NPSR1: variants seen among roughly 807,000 people sequenced by gnomAD.
NPSR1 encodes neuropeptide S receptor 1, also known as neuropeptide S receptor.
NPSR1 carries 48 observed loss-of-function variants against 46.9 expected under a neutral mutation model. The ratio of observed to expected loss-of-function variants is 1.02; its 90% CI spans 0.81 to 1.30. The LOEUF (loss-of-function observed/expected upper bound fraction) is 1.30, where lower values mean the gene tolerates loss of function less well. Among genes scored for constraint, NPSR1 ranks in the 50% most tolerant of loss-of-function variants. The pLI is 0.00. For synonymous variants in NPSR1, 176 were observed against 168.1 expected (o/e 1.05, Z -0.36); for missense variants, 450 against 449.5 (o/e 1.00, Z -0.01).
intron 8 of NPSR1, among the ~76,000 whole-genome samples, chr7:34,876,237 T>C (rs532373767): frequency 6.6e-6 from 1 of 152,174 alleles, no homozygotes. Context: ...TCCCACATCA[T>C]GGAGCAAGAT....
intron 7 of NPSR1, among the ~76,000 whole-genome samples, chr7:34,847,079 C>T (rs550137333): frequency 4.6e-5 from 7 of 152,160 alleles, no homozygotes; most frequent in Admixed American, 4.6e-4. Flanking sequence ...ATCCAGAACA[C>T]TTAGTGGGTT....
chr7:34,750,444 C>A (rs1785460802), intron 2 of NPSR1: 1 of 742,024 alleles, frequency 1.3e-6, no homozygotes, highest in Non-Finnish European at 2.5e-6. Context: ...TCTGGTGTGA[C>A]GAAGTCATTG....
chr7:34,748,319 C>T (rs1242002276), intron 2 of NPSR1, among the ~76,000 whole-genome samples: 8 of 152,180 alleles, frequency 5.3e-5, no homozygotes, highest in Non-Finnish European at 8.8e-5. Context: ...CAGCGTCTGG[C>T]GGCAAGGGAG....
chr7:34,854,278 AAC>A (rs1791004757), downstream of NPSR1, among the ~76,000 whole-genome samples: 1 of 152,256 alleles, frequency 6.6e-6, no homozygotes, highest in Admixed American at 6.5e-5. Flanking sequence ...ATAAACAGAA[AAC>A]ACATAGGAAG....
At chr7:34,711,042 G>T in intron 2 of NPSR1, 2 of 350,506 alleles carry the variant, frequency 5.7e-6, no homozygotes, top group East Asian at 1.4e-4. Context: ...ATCAGGATCA[G>T]AGATATCAAT....
chr7:34,818,246 A>C (rs1326200258), intron 4 of NPSR1, among the ~76,000 whole-genome samples: 1 of 152,182 alleles, frequency 6.6e-6, no homozygotes, highest in East Asian at 1.9e-4. Flanking sequence ...CAATGCGCAA[A>C]AATCACAAGC....
rs1325194542 is a variant in NPSR1, at chr7:34,660,159, T to G, written c.147+1600T>G. On this transcript the variant is annotated intron_variant, in intron 1 of 8. Coordinates refer to ENST00000360581, the MANE Select transcript of NPSR1 (RefSeq NM_207172.2). ...CCAGACACTAAAGAGAATCACAGCA[T>G]CTCTAGCTGATTCCTATTGATATGT... 6.6e-6 allele frequency: 3 copies of G among 456,722 alleles called. No individual in the cohort carries two copies. In the East Asian group the frequency reaches 2.1e-4, roughly 32 times the overall value. 28.3% of individuals were successfully genotyped at this position (456,722 alleles called of 1,614,324 possible). A position where few individuals can be genotyped will look rare whatever the true frequency, so the allele number is the denominator to read the frequency against.
intron 2 of NPSR1, among the ~76,000 whole-genome samples, chr7:34,706,399 T>C (rs929397906): frequency 1.3e-5 from 2 of 152,162 alleles, no homozygotes; most frequent in African/African-American, 2.4e-5. Flanking sequence ...TTGGCCTTTC[T>C]GTCATCATTT....
At chr7:34,740,586 C>T (rs1784893445) in intron 2 of NPSR1, among the ~76,000 whole-genome samples, 1 of 152,186 alleles carries the variant, frequency 6.6e-6, no homozygotes, top group South Asian at 2.1e-4. Flanking sequence ...CCTGCTGCTT[C>T]CTCTACCCCT....
At chr7:34,867,654 T>C (rs1220331975) in intron 8 of NPSR1, among the ~76,000 whole-genome samples, 1 of 151,908 alleles carries the variant, frequency 6.6e-6, no homozygotes, top group Non-Finnish European at 1.5e-5. Flanking sequence ...ACAGGGATGA[T>C]TGATTTTTGC....
intron 2 of NPSR1, among the ~76,000 whole-genome samples, chr7:34,720,611 G>A (rs1305967345): frequency 6.6e-6 from 1 of 152,042 alleles, no homozygotes; most frequent in African/African-American, 2.4e-5. Context: ...TGTGTGATGG[G>A]GGATGGGGAG....
chr7:34,694,061 T>A (rs1793395392), intron 2 of NPSR1, among the ~76,000 whole-genome samples: 1 of 151,930 alleles, frequency 6.6e-6, no homozygotes. Flanking sequence ...TGAGGAAAAA[T>A]TGAAAGCATT....
chr7:34,807,320 G>A (rs1257835288), intron 3 of NPSR1, among the ~76,000 whole-genome samples: 2 of 151,860 alleles, frequency 1.3e-5, no homozygotes, highest in South Asian at 4.2e-4. Flanking sequence ...ATAGCAATGT[G>A]TACTATTCTT....
chr7:34,834,984 C>A (rs1342200916), intron 6 of NPSR1, among the ~76,000 whole-genome samples: 1 of 152,232 alleles, frequency 6.6e-6, no homozygotes, highest in East Asian at 1.9e-4. Flanking sequence ...AGACCACCTA[C>A]TACAACTCTT....
chr7:34,771,943 G>A (rs1328201203), intron 2 of NPSR1, among the ~76,000 whole-genome samples: 1 of 152,168 alleles, frequency 6.6e-6, no homozygotes, highest in Admixed American at 6.6e-5. Context: ...GTTAAGGGTA[G>A]TAATTCTCTT....
At chr7:34,793,752 A>C (rs1788044987) in intron 3 of NPSR1, among the ~76,000 whole-genome samples, 1 of 152,170 alleles carries the variant, frequency 6.6e-6, no homozygotes, top group Admixed American at 6.6e-5. Flanking sequence ...TCAGTATGTC[A>C]AAGAGACATC....
chr7:34,853,796 C>A (rs575683808), downstream of NPSR1, among the ~76,000 whole-genome samples: 9 of 152,240 alleles, frequency 5.9e-5, no homozygotes, highest in African/African-American at 2.2e-4. Context: ...GAAAACCCGT[C>A]TGTACTAAAA....
chr7:34,680,599 A>G (rs1045472757), intron 1 of NPSR1, among the ~76,000 whole-genome samples: 1 of 152,190 alleles, frequency 6.6e-6, no homozygotes, highest in Non-Finnish European at 1.5e-5. Context: ...GATAGCTTCA[A>G]ACTGGAAACC....
chr7:34,698,491 A>G lies in NPSR1; in HGVS notation c.280+13807A>G, dbSNP rs542782383. 2.6e-5 allele frequency among the ~76,000 whole-genome samples: 4 copies of G among 152,314 alleles called. No individual in the cohort carries two copies. In the East Asian group the frequency reaches 5.8e-4, roughly 22 times the overall value. On this transcript the variant is annotated intron_variant, in intron 2 of 8. Transcript: ENST00000360581. ...AAACCAGAGAATGAATGCCCTGCCT[A>G]AAGACATTAAAATCAATTTTTGTCA... is the stretch of plus-strand genomic sequence containing the variant.
Sources: allele counts gnomAD v4.1 joint callset (sites outside exome capture counted in the v4.1 genomes callset), GRCh38; gene constraint gnomAD v4.1.1; transcripts MANE v1.5; gene names NCBI Gene and HGNC (gene_info 2026-07-23, HGNC 2026-07-21).